LAMA2: variants seen among roughly 807,000 people sequenced by gnomAD.
The protein encoded by LAMA2 is laminin subunit alpha-2.
A neutral mutation model predicts 364.8 loss-of-function variants in LAMA2; 269 were observed. The observed-to-expected ratio is 0.74, with a 90% CI of 0.67 to 0.82. LAMA2 has a LOEUF of 0.82. LAMA2 is among the 40% of genes least tolerant of loss of function. The pLI is 0.00. For synonymous variants in LAMA2, 1,379 were observed against 1,370.6 expected (o/e 1.01, Z -0.14); for missense variants, 3,807 against 3,873.2 (o/e 0.98, Z 0.45).
At chr6:129,352,807 A>T (rs1239075747) in intron 31 of LAMA2, among the ~76,000 whole-genome samples, 1 of 152,172 alleles carries the variant, frequency 6.6e-6, no homozygotes. Flanking sequence ...AGGAGGCACT[A>T]AGTTATAACC....
intron 3 of LAMA2, among the ~76,000 whole-genome samples, chr6:129,095,923 G>GA (rs531081776): frequency 1.9e-3 from 273 of 140,342 alleles, no homozygotes; most frequent in African/African-American, 2.3e-3. Context: ...ACGCAGTCTG[G>GA]AAAAAAAAAA....
intron 1 of LAMA2, among the ~76,000 whole-genome samples, chr6:128,904,679 G>A (rs1265500516): frequency 2.6e-5 from 4 of 151,998 alleles, no homozygotes; most frequent in Middle Eastern, 3.4e-3. Flanking sequence ...GGCTGGTCTC[G>A]AACTCATGAC....
chr6:129,412,883 A>G (rs4143750), intron 40 of LAMA2, among the ~76,000 whole-genome samples: 68,401 of 152,002 alleles, frequency 0.45, 15,571 homozygotes, highest in African/African-American at 0.49. Flanking sequence ...GTGTGCCCCA[A>G]GCTAACTGTA....
At chr6:129,272,777 G>T (rs1181232127) in intron 17 of LAMA2, among the ~76,000 whole-genome samples, 3 of 152,106 alleles carry the variant, frequency 2.0e-5, no homozygotes, top group African/African-American at 7.2e-5. Flanking sequence ...GATCAGGCAG[G>T]CATTAGATTC....
intron 3 of LAMA2, among the ~76,000 whole-genome samples, chr6:129,064,875 T>G (rs1789188264): frequency 6.6e-6 from 1 of 152,094 alleles, no homozygotes; most frequent in South Asian, 2.1e-4. Context: ...ATCCTCCAAA[T>G]AACTGAAGAT....
intron 28 of LAMA2, among the ~76,000 whole-genome samples, chr6:129,323,428 T>C (rs1419209419): frequency 6.6e-6 from 1 of 152,178 alleles, no homozygotes; most frequent in Admixed American, 6.5e-5. Context: ...TTGTAAAGAC[T>C]CTTAGCCTTT....
At chr6:129,191,849 C>G (rs541536529) in intron 11 of LAMA2, among the ~76,000 whole-genome samples, 68 of 152,308 alleles carry the variant, frequency 4.5e-4, no homozygotes, top group African/African-American at 1.5e-3. Flanking sequence ...TTCCTGGTAG[C>G]TGGTACCCTA....
intron 1 of LAMA2, among the ~76,000 whole-genome samples, chr6:128,930,227 A>G (rs915036450): frequency 5.3e-5 from 8 of 152,200 alleles, no homozygotes; most frequent in African/African-American, 1.9e-4. Context: ...CTCTATTTCT[A>G]AAGTATTTCT....
At chr6:129,137,600 G>A (rs1649886290) in intron 4 of LAMA2, among the ~76,000 whole-genome samples, 1 of 151,868 alleles carries the variant, frequency 6.6e-6, no homozygotes, top group Admixed American at 6.6e-5. Flanking sequence ...ATGATGAACA[G>A]TCAATAAATG....
intron 51 of LAMA2, among the ~76,000 whole-genome samples, chr6:129,466,520 C>T (rs189507755): frequency 6.6e-6 from 1 of 152,002 alleles, no homozygotes; most frequent in Non-Finnish European, 1.5e-5. Flanking sequence ...ACTGGCTTTG[C>T]AATTCTTTAT....
At chr6:129,099,679 G>A (rs1490297910) in intron 4 of LAMA2, among the ~76,000 whole-genome samples, 1 of 152,138 alleles carries the variant, frequency 6.6e-6, no homozygotes, top group Non-Finnish European at 1.5e-5. Context: ...CACTTCTAGG[G>A]AAAATTAGGG....
chr6:128,977,266 C>CTT (rs34859670), intron 1 of LAMA2, among the ~76,000 whole-genome samples: 7 of 133,136 alleles, frequency 5.3e-5, no homozygotes, highest in African/African-American at 8.6e-5. Flanking sequence ...TTTATTCTTT[C>CTT]TTTTTTTTTT....
At chr6:129,163,000 A>C (rs180977522) in intron 8 of LAMA2, among the ~76,000 whole-genome samples, 51 of 152,274 alleles carry the variant, frequency 3.3e-4, no homozygotes, top group African/African-American at 1.1e-3. Context: ...ATAAACTATG[A>C]TGTGTCTATG....
chr6:129,352,629 T>C (rs1000075396), intron 31 of LAMA2, among the ~76,000 whole-genome samples: 3 of 152,178 alleles, frequency 2.0e-5, no homozygotes, highest in Non-Finnish European at 1.5e-5. Context: ...CAATATAGAA[T>C]TGCACTCATC....
At chr6:129,297,601 C>T (rs1773269071) in intron 20 of LAMA2, 84 bp from the exon 21 acceptor site, 2 of 1,296,234 alleles carry the variant, frequency 1.5e-6, no homozygotes, top group African/African-American at 1.5e-5. Context: ...CCTCTGTTCC[C>T]ACCTGATCTT....
intron 4 of LAMA2, among the ~76,000 whole-genome samples, chr6:129,100,925 A>G (rs1361291877): frequency 6.6e-6 from 1 of 152,230 alleles, no homozygotes; most frequent in Non-Finnish European, 1.5e-5. Context: ...TTTGGCTATC[A>G]TACAACATTT....
chr6:129,092,609 G>A (rs1307709046), intron 3 of LAMA2, among the ~76,000 whole-genome samples: 1 of 152,202 alleles, frequency 6.6e-6, no homozygotes. Flanking sequence ...CTTTAGAAGT[G>A]AAGCATTTTC....
intron 40 of LAMA2, among the ~76,000 whole-genome samples, chr6:129,415,191 G>C (rs1264941232): frequency 1.3e-5 from 2 of 152,008 alleles, no homozygotes; most frequent in Admixed American, 6.6e-5. Context: ...TTGATATTGT[G>C]ATGGTCAATA....
chr6:129,021,108 G>T (rs1243364331), intron 1 of LAMA2, among the ~76,000 whole-genome samples: 1 of 151,876 alleles, frequency 6.6e-6, no homozygotes, highest in Non-Finnish European at 1.5e-5. Context: ...TCTCCTTTTT[G>T]GATTTTCATT....
Sources: gnomAD v4.1 joint callset for allele counts (sites outside exome capture counted in the v4.1 genomes callset) on GRCh38, gnomAD v4.1.1 for gene constraint, MANE v1.5 for transcripts, NCBI Gene and HGNC (gene_info 2026-07-23, HGNC 2026-07-21) for gene names.